TANC1: variants seen among roughly 807,000 people sequenced by gnomAD.
TANC1 encodes protein TANC1.
TANC1 carries 77 observed loss-of-function variants against 149.7 expected under a neutral mutation model. That is an observed-to-expected ratio of 0.51 (90% confidence interval 0.43 to 0.62). TANC1 has a LOEUF of 0.62. Ranked by LOEUF, TANC1 falls within the 20% of genes least tolerant of loss-of-function variation. The pLI is 0.00. For missense variants in TANC1, 1,985 were observed against 2,321.8 expected (o/e 0.85, Z 2.98); for synonymous variants, 854 against 925.0 (o/e 0.92, Z 1.39).
At chr2:159,143,551 C>CAAAAAAAAA (rs56992262) in intron 5 of TANC1, among the ~76,000 whole-genome samples, 17 of 67,298 alleles carry the variant, frequency 2.5e-4, no homozygotes, top group Non-Finnish European at 3.0e-4. Context: ...GACCCCATCT[C>CAAAAAAAAA]AAAAAAAAAA....
At chr2:159,111,623 A>T (rs1332673219) in intron 4 of TANC1, among the ~76,000 whole-genome samples, 2 of 152,210 alleles carry the variant, frequency 1.3e-5, no homozygotes, top group Admixed American at 1.3e-4. Context: ...AGAATCCCGT[A>T]TAGGAGGGGC....
chr2:159,136,047 T>TGTGTGTGCGTGTGC (rs1457762905), intron 4 of TANC1, 147 bp from the exon 5 acceptor site: 1 of 209,118 alleles, frequency 4.8e-6, no homozygotes, highest in Non-Finnish European at 9.2e-6. Flanking sequence ...TGTGTGTGTG[T>TGTGTGTGCGTGTGC]GTGCGCGCGC....
intron 1 of TANC1, among the ~76,000 whole-genome samples, chr2:158,978,138 T>A (rs2033906652): frequency 6.6e-6 from 1 of 152,132 alleles, no homozygotes; most frequent in Admixed American, 6.5e-5. Flanking sequence ...TGGTAGGGGG[T>A]CCTGTCTTAC....
chr2:159,034,849 A>G (rs1193357547), intron 2 of TANC1, among the ~76,000 whole-genome samples: 1 of 152,190 alleles, frequency 6.6e-6, no homozygotes, highest in East Asian at 1.9e-4. Flanking sequence ...GTGTGACTTG[A>G]ACGTCCTCAC....
In TANC1 at chr2:159,230,152, G is replaced by A. The variant is rs2151005692; in HGVS notation, c.4726G>A (p.Gly1576Arg). The A allele has an allele frequency of 6.2e-7, 1 of 1,614,088 alleles. No homozygotes were observed. The highest frequency in any genetic ancestry group is 8.5e-7 in the Non-Finnish European group (1 of 1,180,016). Residue 1576 changes from glycine to arginine, a missense_variant, in exon 27 of 27, where the codon GGG becomes AGG. Transcript: ENST00000263635. This position sits in a 1 kb window ranked among gnomAD's most constrained non-coding sequence, Gnocchi z 4.4. ...MPGRIAATPA[G>R]SRTQHLEGTG... ...AGGGAGAATCGCTGCCACTCCTGCT[G>A]GGAGCAGAACCCAGCATTTAGAGGG... is the stretch of plus-strand genomic sequence containing the variant.
chr2:159,184,714 C>T (rs1486022205), intron 14 of TANC1, among the ~76,000 whole-genome samples: 1 of 152,120 alleles, frequency 6.6e-6, no homozygotes, highest in East Asian at 1.9e-4. Flanking sequence ...GGAGGGGAAT[C>T]CCAGGCTCAA....
chr2:159,094,786 G>GGT (rs2045926540), intron 3 of TANC1, among the ~76,000 whole-genome samples: 1 of 130,998 alleles, frequency 7.6e-6, no homozygotes, highest in Admixed American at 7.8e-5. Context: ...GGGGGGGGGT[G>GGT]GGGGCCAGCC....
intron 5 of TANC1, among the ~76,000 whole-genome samples, chr2:159,137,000 A>G (rs1243920694): frequency 6.6e-6 from 1 of 152,086 alleles, no homozygotes; most frequent in Non-Finnish European, 1.5e-5. Flanking sequence ...CTTGCCTTTA[A>G]TTTGGGTGTT....
chr2:159,129,022 A>C (rs151074936), intron 4 of TANC1, among the ~76,000 whole-genome samples: 331 of 152,316 alleles, frequency 2.2e-3, no homozygotes, highest in African/African-American at 7.5e-3. Context: ...ATCAGATAAA[A>C]TTGGCAGGAA....
At chr2:159,016,173 G>A (rs190504755) in intron 2 of TANC1, among the ~76,000 whole-genome samples, 8 of 152,328 alleles carry the variant, frequency 5.3e-5, no homozygotes, top group South Asian at 2.1e-4. Flanking sequence ...CAATCATGGC[G>A]GAAGGTAAGA....
intron 2 of TANC1, among the ~76,000 whole-genome samples, chr2:159,025,201 C>CTTTCTTTCT (rs757618984): frequency 7.5e-6 from 1 of 134,160 alleles, no homozygotes; most frequent in Non-Finnish European, 1.6e-5. Flanking sequence ...TTCTTTCTTT[C>CTTTCTTTCT]TTTCTTTCTT....
rs562756386 is a variant in TANC1 at position 159,129,266 on chromosome 2, C to T, written c.260-6928C>T. Among the ~76,000 whole-genome samples the T allele has an allele frequency of 3.9e-5, 6 of 152,238 alleles. No homozygotes were observed. The East Asian group carries it at 5.8e-4, about 15-fold the overall frequency. ...CCTGCCCTTCTCCCTTTCACTGCCT[C>T]GAGATAAAGCTGGGTTTGGTTTATT... On this transcript the variant is annotated intron_variant, in intron 4 of 26. Coordinates refer to ENST00000263635, the MANE Select transcript of TANC1 (RefSeq NM_033394.3).
chr2:159,172,421 A>C, intron 11 of TANC1, 149 bp downstream of exon 11: 4 of 762,416 alleles, frequency 5.2e-6, no homozygotes, highest in Non-Finnish European at 8.3e-6. Context: ...ACAGTTCTCC[A>C]AGTAAAAGTG....
intron 13 of TANC1, 31 bp from the exon 14 acceptor site, chr2:159,178,525 T>A: frequency 6.5e-7 from 1 of 1,528,802 alleles, no homozygotes; most frequent in Non-Finnish European, 8.8e-7. Context: ...CTCTTTAGAG[T>A]GACACTGTGG....
chr2:159,148,534 G>A (rs975073553), intron 5 of TANC1: 1 of 152,258 alleles, frequency 6.6e-6, no homozygotes, highest in Admixed American at 6.5e-5. Context: ...TGTCTCTTGG[G>A]ACAAGTTTCA....
chr2:159,016,839 G>T (rs1417371933), intron 2 of TANC1, among the ~76,000 whole-genome samples: 4 of 152,116 alleles, frequency 2.6e-5, no homozygotes, highest in Non-Finnish European at 2.9e-5. Flanking sequence ...CTCCCAAAGT[G>T]CTGGGATTAC....
intron 20 of TANC1, among the ~76,000 whole-genome samples, chr2:159,217,856 C>G (rs1345994046): frequency 6.6e-6 from 1 of 152,202 alleles, no homozygotes; most frequent in Non-Finnish European, 1.5e-5. Flanking sequence ...CTATCCAGGT[C>G]AGAGACACAG....
At chr2:159,000,820 G>A (rs2036558285) in intron 1 of TANC1, among the ~76,000 whole-genome samples, 1 of 152,160 alleles carries the variant, frequency 6.6e-6, no homozygotes, top group Non-Finnish European at 1.5e-5. Flanking sequence ...GCTGGCCAGA[G>A]TCAAGAGCCA....
At position 159,171,806 on chromosome 2, in the gene TANC1, G is replaced by A. The variant is rs189460772; in HGVS notation, c.1352-315G>A. Among the ~76,000 whole-genome samples the A allele has an allele frequency of 1.6e-4, 24 of 147,270 alleles. No individual in the cohort carries two copies. The East Asian group carries it at 3.2e-3, about 19-fold the overall frequency. ...CAGGAGGTCGAGGTTGCAGTGAGCCGAGATGGCACCACTGTACTCTAGCCT... is the reference window on the plus strand; with the variant it reads ...CAGGAGGTCGAGGTTGCAGTGAGCCAAGATGGCACCACTGTACTCTAGCCT... On this transcript the variant is annotated intron_variant, in intron 10 of 26. Coordinates refer to ENST00000263635, the MANE Select transcript of TANC1 (RefSeq NM_033394.3).
Sources: allele counts gnomAD v4.1 joint callset (sites outside exome capture counted in the v4.1 genomes callset), GRCh38; gene constraint gnomAD v4.1.1; non-coding constraint Gnocchi (gnomAD v3.1); transcripts MANE v1.5; gene names NCBI Gene and HGNC (gene_info 2026-07-23, HGNC 2026-07-21).